Variants in GAS7 observed in about 807,000 individuals in gnomAD.
GAS7 encodes the protein growth arrest-specific protein 7.
GAS7 carries 28 observed loss-of-function variants against 71.1 expected under a neutral mutation model. The ratio of observed to expected loss-of-function variants is 0.39; its 90% CI spans 0.29 to 0.54. The LOEUF (loss-of-function observed/expected upper bound fraction) is 0.54. Among genes scored for constraint, GAS7 ranks in the 20% least tolerant of loss-of-function variants. The pLI is 0.62. For synonymous variants in GAS7, 258 were observed against 245.8 expected, an observed-to-expected ratio of 1.05 and a Z score of -0.46; for missense variants, 436 against 627.8, an observed-to-expected ratio of 0.69 and a Z score of 3.27.
chr17:9,910,891 G>A lies in GAS7; in HGVS notation c.*6337C>T. The A allele has an allele frequency of 4.3e-6, 1 of 229,966 alleles. No individual in the cohort carries two copies. Among genetic ancestry groups the A allele is most frequent in the East Asian group, 6.2e-5 (1 of 16,148 alleles). The allele number at this position is 229,966 out of a possible 1,614,324, so 14.2% of individuals were successfully genotyped here. On this transcript the variant is annotated 3_prime_UTR_variant, in exon 14 of 14. Coordinates refer to ENST00000432992, the MANE Select transcript of GAS7 (RefSeq NM_201433.2). ...GGAGGAAACACATTCATACCGGGGT[G>A]AGGAGTGCTGGCGGGAGACACGGCT...
At chr17:9,936,888 A>C (rs1271033019) in intron 8 of GAS7, among the ~76,000 whole-genome samples, 2 of 152,226 alleles carry the variant, frequency 1.3e-5, no homozygotes, top group African/African-American at 2.4e-5. Flanking sequence ...TTATTTACCA[A>C]TGTGCACATG....
At chr17:10,085,058 A>C (rs1000485712) in intron 1 of GAS7, among the ~76,000 whole-genome samples, 1 of 152,154 alleles carries the variant, frequency 6.6e-6, no homozygotes, top group Non-Finnish European at 1.5e-5. Flanking sequence ...GACTGTTCTT[A>C]TTATTCCTAC....
intron 6 of GAS7, among the ~76,000 whole-genome samples, chr17:9,945,660 T>C (rs1396915494): frequency 1.3e-5 from 2 of 151,580 alleles, no homozygotes. Flanking sequence ...AGTATTCGGT[T>C]AGCAAATCTA....
rs1334039234 is a variant in GAS7 at position 10,034,324 on chromosome 17, T to A, written c.184-14427A>T. The A allele has an allele frequency of 1.5e-6, 1 of 665,462 alleles. No homozygotes were observed. Among genetic ancestry groups the A allele is most frequent in the Non-Finnish European group, 1.9e-6 (1 of 538,086 alleles). 41.2% of individuals were successfully genotyped at this position (665,462 alleles called of 1,614,324 possible). The stretch of plus-strand genomic sequence containing the variant: ...CTAATACTTAATAATTCTTTTTTTT[T>A]TTTTTAGACAGTCTTGCTGTGTCAC... On this transcript the variant is annotated intron_variant, in intron 1 of 13. Transcript: ENST00000432992. This position sits in a 1 kb window ranked among gnomAD's most constrained non-coding sequence, Gnocchi z 4.4.
intron 1 of GAS7, among the ~76,000 whole-genome samples, chr17:10,093,690 G>GA (rs1411674182): frequency 1.3e-5 from 2 of 152,108 alleles, no homozygotes; most frequent in African/African-American, 2.4e-5. Flanking sequence ...GTTATGCGGG[G>GA]AAAAAATCAA....
intron 3 of GAS7, among the ~76,000 whole-genome samples, chr17:9,979,312 G>C (rs1287251117): frequency 6.6e-6 from 1 of 152,168 alleles, no homozygotes; most frequent in Non-Finnish European, 1.5e-5. Flanking sequence ...GAGGGGGACA[G>C]GAGTTGTCAA....
intron 1 of GAS7, among the ~76,000 whole-genome samples, chr17:10,077,529 G>A (rs1247992501): frequency 6.6e-6 from 1 of 152,148 alleles, no homozygotes; most frequent in Non-Finnish European, 1.5e-5. Context: ...ACAGCACAAA[G>A]TATCTATGAG....
chr17:10,138,911 A>G (rs1228565538), intron 1 of GAS7, among the ~76,000 whole-genome samples: 1 of 152,246 alleles, frequency 6.6e-6, no homozygotes, highest in East Asian at 1.9e-4. Context: ...TCATATTGTT[A>G]ATCATATTAA....
intron 1 of GAS7, among the ~76,000 whole-genome samples, chr17:10,030,284 G>A (rs2072583158): frequency 6.6e-6 from 1 of 152,230 alleles, no homozygotes; most frequent in Non-Finnish European, 1.5e-5. Context: ...TGGGACCAAA[G>A]TACTTTGTGG....
chr17:9,976,512 G>T (rs1410068272), intron 3 of GAS7, among the ~76,000 whole-genome samples: 1 of 152,178 alleles, frequency 6.6e-6, no homozygotes, highest in Admixed American at 6.5e-5. Context: ...TGAGGCTCTG[G>T]GTTCAGGAGC....
chr17:9,955,097 A>G (rs1439837720), intron 5 of GAS7, among the ~76,000 whole-genome samples: 1 of 152,190 alleles, frequency 6.6e-6, no homozygotes, highest in African/African-American at 2.4e-5. Context: ...CTGGGCCACC[A>G]CTTTTATCCT....
Position 9,934,262 on chromosome 17 carries a change from T to A in GAS7, c.807-18A>T. ...CCAAGGAGCTGCAACACAAAGACCA[T>A]GAGACTCAGGTCACAAGCCAAAGCC... On this transcript the variant is annotated intron_variant, in intron 8 of 13. Transcript: ENST00000432992. 1 of 1,564,702 alleles carries A rather than the reference T, an allele frequency of 6.4e-7. No individual in the cohort carries two copies. The highest frequency in any genetic ancestry group is 8.8e-7 in the Non-Finnish European group (1 of 1,137,402).
rs571842926 is a variant in GAS7, at chr17:10,066,064, T to C, written c.184-46167A>G. 2.6e-5 allele frequency among the ~76,000 whole-genome samples: 4 copies of C among 152,282 alleles called. No individual in the cohort carries two copies. The East Asian group carries it at 7.7e-4, about 29-fold the overall frequency. On this transcript the variant is annotated intron_variant, in intron 1 of 13. Coordinates refer to ENST00000432992, the MANE Select transcript of GAS7 (RefSeq NM_201433.2). ...AGATAAGATGAAGGGAATTACAGTA[T>C]ACCCCTCTCCATAACCCCATTTCCC...
chr17:10,093,552 CAAAAAA>C (rs60319441), intron 1 of GAS7, among the ~76,000 whole-genome samples: 2 of 66,068 alleles, frequency 3.0e-5, no homozygotes, highest in Non-Finnish European at 2.6e-5. Flanking sequence ...GACTCCGTCT[CAAAAAA>C]AAAAAAAAAA....
At chr17:9,995,998 T>C (rs1296184449) in intron 2 of GAS7, among the ~76,000 whole-genome samples, 2 of 152,240 alleles carry the variant, frequency 1.3e-5, no homozygotes, top group Non-Finnish European at 2.9e-5. Flanking sequence ...ATAAAATGTC[T>C]GTGCTTGTAT....
intron 1 of GAS7, chr17:10,036,352 A>T: frequency 1.7e-6 from 2 of 1,168,982 alleles, no homozygotes; most frequent in Non-Finnish European, 2.6e-6. Flanking sequence ...CTGCCTCTTT[A>T]CCATGGCACA....
At position 10,064,567 on chromosome 17, in the gene GAS7, C is replaced by A. The variant is rs187884023; in HGVS notation, c.184-44670G>T. Among the ~76,000 whole-genome samples, 8 of 152,272 alleles carry A rather than the reference C, an allele frequency of 5.3e-5. No individual in the cohort carries two copies. The East Asian group carries it at 9.6e-4, about 18-fold the overall frequency. ...CATATTACCCATCTGGGGCTGGATA[C>A]CTGGAATTTGGTTTTGGAATTACTG... is the stretch of plus-strand genomic sequence containing the variant. On this transcript the variant is annotated intron_variant, in intron 1 of 13. Transcript: ENST00000432992.
At chr17:10,164,589 T>G (rs1048131778) in intron 1 of GAS7, among the ~76,000 whole-genome samples, 1 of 151,510 alleles carries the variant, frequency 6.6e-6, no homozygotes, top group Non-Finnish European at 1.5e-5. Flanking sequence ...TGCTTGAGCC[T>G]AGGAGTTCAA....
intron 1 of GAS7, among the ~76,000 whole-genome samples, chr17:10,082,657 A>G (rs1191010778): frequency 6.6e-6 from 1 of 152,254 alleles, no homozygotes; most frequent in Admixed American, 6.5e-5. Context: ...TTATGCCAGA[A>G]AAGTGAAAAT....
Sources: gnomAD v4.1 joint callset for allele counts (sites outside exome capture counted in the v4.1 genomes callset) on GRCh38, gnomAD v4.1.1 for gene constraint, Gnocchi (gnomAD v3.1) non-coding constraint, MANE v1.5 for transcripts, NCBI Gene and HGNC (gene_info 2026-07-23, HGNC 2026-07-21) for gene names.